The following FBXL16 variants were observed in gnomAD, a reference collection of about 807,000 sequenced individuals.
FBXL16 encodes the protein F-box/LRR-repeat protein 16.
FBXL16 carries 7 observed loss-of-function variants against 36.7 expected under a neutral mutation model. That is an observed-to-expected ratio of 0.19 (90% CI 0.11 to 0.36). The LOEUF (loss-of-function observed/expected upper bound fraction) is 0.36. FBXL16 is among the 10% of genes least tolerant of loss of function. The pLI, the probability that FBXL16 is intolerant of heterozygous loss-of-function variation, is 1.00. For missense variants in FBXL16, 463 were observed against 659.4 expected (o/e 0.70, Z 3.26); for synonymous variants, 355 against 308.7 (o/e 1.15, Z -1.57).
chr16:697,803 A>G lies in FBXL16; in HGVS notation c.-14-384T>C, dbSNP rs1435494920. On this transcript the variant is annotated intron_variant, in intron 1 of 5. Coordinates refer to ENST00000397621, the MANE Select transcript of FBXL16 (RefSeq NM_153350.4). This position sits in a 1 kb window ranked among gnomAD's most constrained non-coding sequence, Gnocchi z 4.6. ...ATCATGAGGTCAGGAGATCGAGACC[A>G]TCCTGGCTAACACAGTGAAACACCA... Among the ~76,000 whole-genome samples, 1 of 152,084 alleles carries G rather than the reference A, an allele frequency of 6.6e-6. No individual in the cohort carries two copies. Among genetic ancestry groups the G allele is most frequent in the African/African-American group, 2.4e-5 (1 of 41,422 alleles).
At chr16:695,319 A>C in intron 3 of FBXL16, 96 bp downstream of exon 3, 16 of 965,836 alleles carry the variant, frequency 1.7e-5, no homozygotes, top group South Asian at 5.1e-5. Context: ...GCCCCGCCGG[A>C]AGCCCCCGCC....
At chr16:702,508 C>T (rs888657898) in intron 1 of FBXL16, among the ~76,000 whole-genome samples, 3 of 152,184 alleles carry the variant, frequency 2.0e-5, no homozygotes, top group African/African-American at 4.8e-5. Flanking sequence ...TGCATGTTCG[C>T]GGAATGAATG....
rs747673770 is a variant in FBXL16 at position 694,335 on chromosome 16, G to C, written c.1380C>G (p.Ala460=). 4.6e-6 allele frequency: 7 copies of C among 1,512,680 alleles called. No individual in the cohort carries two copies. The African/African-American group carries it at 1.0e-4, about 22-fold the overall frequency. The allele number at this position is 1,512,680 out of a possible 1,614,324, so 93.7% of individuals were successfully genotyped here. ...AGAAATACTTGAAGAGCTCGGGGGT[G>C]GCCCCGGGGCAGTTGGTCAGCTCCA... ...EELELTNCPG[A]TPELFKYFSQ... is the part of the protein sequence containing the mutation. Residue 460 remains alanine, a synonymous_variant, in exon 6 of 6, where the codon GCC becomes GCG. Transcript: ENST00000397621.
At position 695,909 on chromosome 16, in the gene FBXL16, C is replaced by T. The variant is rs764246057; in HGVS notation, c.648G>A (p.Gln216=). The change falls in exon 3 of 6, where the codon CAG becomes CAA. Residue 216 remains glutamine, a synonymous_variant. Coordinates refer to ENST00000397621, the MANE Select transcript of FBXL16 (RefSeq NM_153350.4). The part of the protein sequence containing the change: ...TDAGLEVMLE[Q]MQGVVRLELS... ...GCTCCAGACGCACCACGCCCTGCAT[C>T]TGTTCAAGCATAACCTGCAGGCGGG... is the stretch of plus-strand genomic sequence containing the variant. 10 of 1,592,116 alleles carry T rather than the reference C, an allele frequency of 6.3e-6. No individual in the cohort carries two copies. Among genetic ancestry groups the T allele is most frequent in the Non-Finnish European group, 7.7e-6 (9 of 1,165,174 alleles).
intron 2 of FBXL16, among the ~76,000 whole-genome samples, 182 bp downstream of exon 2, chr16:696,591 T>C (rs2040012929): frequency 6.7e-6 from 1 of 148,908 alleles, no homozygotes; most frequent in Admixed American, 6.8e-5. Flanking sequence ...GCCCTGCTGC[T>C]GCCATCTTGA....
intron 4 of FBXL16, 37 bp downstream of exon 4, chr16:694,955 C>G (rs749891807): frequency 4.2e-5 from 64 of 1,507,564 alleles, no homozygotes; most frequent in Non-Finnish European, 5.3e-5. Flanking sequence ...CCCACCTCCC[C>G]GCCGATCCCC....
intron 1 of FBXL16, among the ~76,000 whole-genome samples, chr16:701,329 G>T (rs2040054984): frequency 6.6e-6 from 1 of 152,182 alleles, no homozygotes; most frequent in Non-Finnish European, 1.5e-5. Flanking sequence ...TGTGCTTGGT[G>T]GGAGCTGCAT....
In FBXL16 at chr16:693,546, C is replaced by T. The variant is rs1668083250; in HGVS notation, c.*729G>A. 6.5e-6 allele frequency: 1 copy of T among 152,758 alleles called. No homozygotes were observed. The allele number at this position is 152,758 out of a possible 1,614,324, so 9.5% of individuals were successfully genotyped here. On this transcript the variant is annotated 3_prime_UTR_variant, in exon 6 of 6. Transcript: ENST00000397621. Reference sequence around the variant, plus strand: ...CCTTCCGCCCTCTCCCTGCCCAATTCTCTCAGCCTGGCCAGGGACCAAGGC... The same window carrying T: ...CCTTCCGCCCTCTCCCTGCCCAATTTTCTCAGCCTGGCCAGGGACCAAGGC...
chr16:694,068 C>T lies in FBXL16; in HGVS notation c.*207G>A, dbSNP rs1025719450. The T allele has an allele frequency of 1.2e-5, 3 of 254,730 alleles. No homozygotes were observed. Among genetic ancestry groups the T allele is most frequent in the Non-Finnish European group, 2.2e-5 (3 of 133,884 alleles). The allele number at this position is 254,730 out of a possible 1,614,324, so 15.8% of individuals were successfully genotyped here. On this transcript the variant is annotated 3_prime_UTR_variant, in exon 6 of 6. Transcript: ENST00000397621. ...CGTGCGTGCGTGGGGCGGGCCCACCCGCCGCCCCCCTGCCCGGGGCGGGGC... is the reference window on the plus strand; with the variant it reads ...CGTGCGTGCGTGGGGCGGGCCCACCTGCCGCCCCCCTGCCCGGGGCGGGGC...
In FBXL16 at chr16:704,298, C is replaced by T. The variant is rs1257903937; in HGVS notation, c.-15+1214G>A. Among the ~76,000 whole-genome samples, 3 of 152,246 alleles carry T rather than the reference C, an allele frequency of 2.0e-5. 1 individual carries two copies. The South Asian group carries it at 6.2e-4, about 32-fold the overall frequency. ...GGAGGTAGGACTCGTCCAGCCGCCC[C>T]GGAAGTGGGTGTGAGCTGGAGGCAG... On this transcript the variant is annotated intron_variant, in intron 1 of 5. Coordinates refer to ENST00000397621, the MANE Select transcript of FBXL16 (RefSeq NM_153350.4).
At position 694,318 on chromosome 16, in the gene FBXL16, T is replaced by G; in HGVS notation, c.1397A>C (p.Lys466Thr). ...NCPGATPELF[K>T]YFSQHLPRCL... is the part of the protein sequence containing the mutation. ...GCGGGGCAGGTGCTGCGAGAAATACTTGAAGAGCTCGGGGGTGGCCCCGGG... is the reference window on the plus strand; with the variant it reads ...GCGGGGCAGGTGCTGCGAGAAATACGTGAAGAGCTCGGGGGTGGCCCCGGG... The change falls in exon 6 of 6, where the codon AAG becomes ACG. Residue 466 changes from lysine (K) to threonine (T), a missense_variant. Around this residue, in one of 3 missense-constraint regions of FBXL16, gnomAD observed 134 missense variants for 172.0 expected, o/e 0.78. Coordinates refer to ENST00000397621, the MANE Select transcript of FBXL16 (RefSeq NM_153350.4). 1 of 1,493,590 alleles carries G rather than the reference T, an allele frequency of 6.7e-7. No individual in the cohort carries two copies. The highest frequency in any genetic ancestry group is 8.9e-7 in the Non-Finnish European group (1 of 1,126,306). The allele number at this position is 1,493,590 out of a possible 1,614,324, so 92.5% of individuals were successfully genotyped here.
chr16:704,865 G>A (rs2040080199), intron 1 of FBXL16, among the ~76,000 whole-genome samples: 1 of 152,234 alleles, frequency 6.6e-6, no homozygotes, highest in Non-Finnish European at 1.5e-5. Flanking sequence ...CCTCTCTCCT[G>A]AGGTGATGGG....
chr16:695,685 C>G lies in FBXL16; in HGVS notation c.872G>C (p.Arg291Pro). The change falls in exon 3 of 6, where the codon CGC becomes CCC. Residue 291 changes from arginine to proline, a missense_variant. By Grantham distance (103) the Arg-to-Pro change is moderately radical. This residue lies in a region of FBXL16 where 66 missense variants were observed against 146.3 expected (regional missense o/e 0.45). Coordinates refer to ENST00000397621, the MANE Select transcript of FBXL16 (RefSeq NM_153350.4). ...TDTALAYFTA[R>P]QGHSTHTLRL... The stretch of plus-strand genomic sequence containing the variant: ...CAGCGTGTGCGTGCTGTGGCCCTGG[C>G]GCGCCGTGAAGTAGGCCAGCGCCGT... 6.2e-7 allele frequency: 1 copy of G among 1,605,554 alleles called. No individual in the cohort carries two copies.
rs987377431 is a variant in FBXL16, at chr16:695,257, C to T, written c.1142+158G>A. On this transcript the variant is annotated intron_variant, in intron 3 of 5. Coordinates refer to ENST00000397621, the MANE Select transcript of FBXL16 (RefSeq NM_153350.4). ...CCAGCCAACCCGTGCTGCGGTTCTG[C>T]GGTTCCCACTCCCCAGGCTCCGAGG... The T allele has an allele frequency of 1.9e-4, 223 of 1,156,504 alleles. 1 individual carries two copies. The highest frequency in any genetic ancestry group is 3.0e-4 in the Admixed American group (11 of 36,470). The allele number at this position is 1,156,504 out of a possible 1,614,324, so 71.6% of individuals were successfully genotyped here.
chr16:695,140 C>T, intron 3 of FBXL16, 64 bp from the exon 4 acceptor site: 1 of 1,506,348 alleles, frequency 6.6e-7, no homozygotes. Flanking sequence ...CCCTCGTCTT[C>T]CTGGGAGTGC....
At chr16:704,020 C>T (rs1464123269) in intron 1 of FBXL16, among the ~76,000 whole-genome samples, 1 of 152,268 alleles carries the variant, frequency 6.6e-6, no homozygotes, top group Non-Finnish European at 1.5e-5. Flanking sequence ...GTTGACTCCT[C>T]CTGCACCACT....
Position 695,816 on chromosome 16 carries a change from C to T in FBXL16, c.741G>A (p.Leu247=), listed in dbSNP as rs748059924. Reference sequence around the variant, plus strand: ...CCACGTTGATGCAGTCACTCACGCTCAGCGAGGTGATGCGCGCGCTCAGGC... The same window carrying T: ...CCACGTTGATGCAGTCACTCACGCTTAGCGAGGTGATGCGCGCGCTCAGGC... ...WSSLSARITS[L]SVSDCINVAD... Residue 247 remains leucine, a synonymous_variant, in exon 3 of 6, where the codon CTG becomes CTA. Coordinates refer to ENST00000397621, the MANE Select transcript of FBXL16 (RefSeq NM_153350.4). 44 of 1,608,498 alleles carry T rather than the reference C, an allele frequency of 2.7e-5. No individual in the cohort carries two copies. Among genetic ancestry groups the T allele is most frequent in the Non-Finnish European group, 3.5e-5 (41 of 1,178,408 alleles).
chr16:696,497 C>G (rs1316752791), intron 2 of FBXL16, among the ~76,000 whole-genome samples: 1 of 152,232 alleles, frequency 6.6e-6, no homozygotes, highest in Non-Finnish European at 1.5e-5. Flanking sequence ...CGCCTAACCT[C>G]AAGTGAGTGG....
rs1222850794 is a variant in FBXL16, at chr16:705,719, GC to G, written c.-223del. ...GCTCCCCGGTGGGAGAGGATCGGCC[GC>G]CCCAAGCCTCCCACCGGGGAGGCTG... is the stretch of plus-strand genomic sequence containing the variant. On this transcript the variant is annotated 5_prime_UTR_variant, in exon 1 of 6. Transcript: ENST00000397621. The G allele has an allele frequency of 6.7e-6, 1 of 148,530 alleles. No individual in the cohort carries two copies. The highest frequency in any genetic ancestry group is 2.4e-5 in the African/African-American group (1 of 40,908). 9.2% of individuals were successfully genotyped at this position (148,530 alleles called of 1,614,324 possible).
Sources: gnomAD v4.1 joint callset for allele counts (sites outside exome capture counted in the v4.1 genomes callset) on GRCh38, gnomAD v4.1.1 for gene constraint, gnomAD v4.1.1 regional missense constraint, Gnocchi (gnomAD v3.1) non-coding constraint, MANE v1.5 for transcripts, NCBI Gene and HGNC (gene_info 2026-07-23, HGNC 2026-07-21) for gene names.